The following WWOX variants were observed in gnomAD, a reference collection of about 807,000 sequenced individuals.
WWOX encodes WW domain-containing oxidoreductase.
WWOX carries 69 observed loss-of-function variants against 46.2 expected under a neutral mutation model. The observed-to-expected ratio is 1.49, with a 90% CI of 1.23 to 1.82. The LOEUF is 1.82. Among genes scored for constraint, WWOX ranks in the 40% most tolerant of loss-of-function variants. The pLI, the probability that WWOX is intolerant of heterozygous loss-of-function variation, is 0.00. For synonymous variants in WWOX, 359 were observed against 202.6 expected (o/e 1.77, Z -6.56); for missense variants, 919 against 542.6 (o/e 1.69, Z -6.89).
intron 8 of WWOX, among the ~76,000 whole-genome samples, chr16:78,818,954 T>A (rs1013800885): frequency 6.6e-6 from 1 of 152,212 alleles, no homozygotes; most frequent in Non-Finnish European, 1.5e-5. Flanking sequence ...CTGAGTTGAA[T>A]GTTCCAGGGT....
intron 8 of WWOX, among the ~76,000 whole-genome samples, chr16:78,518,184 A>T (rs999997451): frequency 6.6e-6 from 1 of 152,058 alleles, no homozygotes; most frequent in African/African-American, 2.4e-5. Flanking sequence ...GGGGCTTAAT[A>T]TGTGGTAGTT....
intron 8 of WWOX, among the ~76,000 whole-genome samples, chr16:78,755,690 C>T (rs2049627504): frequency 1.3e-5 from 2 of 152,106 alleles, no homozygotes; most frequent in Admixed American, 6.5e-5. Flanking sequence ...GCACCAGGGC[C>T]ATGTGACAAA....
At chr16:79,058,645 A>G (rs367658849) in intron 8 of WWOX, among the ~76,000 whole-genome samples, 1 of 152,218 alleles carries the variant, frequency 6.6e-6, no homozygotes, top group East Asian at 1.9e-4. Flanking sequence ...ATTTCCTTGG[A>G]TATGTGATTT....
chr16:79,117,170 C>G (rs1188763386), intron 8 of WWOX, among the ~76,000 whole-genome samples: 2 of 152,114 alleles, frequency 1.3e-5, no homozygotes, highest in East Asian at 1.9e-4. Flanking sequence ...TGCCACTAGG[C>G]TGGGCTATTT....
At chr16:78,481,862 C>A (rs554429393) in intron 8 of WWOX, among the ~76,000 whole-genome samples, 1 of 150,816 alleles carries the variant, frequency 6.6e-6, no homozygotes, top group African/African-American at 2.4e-5. Context: ...TATTAATCTT[C>A]TTGGGGCTGG....
intron 8 of WWOX, among the ~76,000 whole-genome samples, chr16:78,870,738 A>G (rs1026585595): frequency 6.6e-6 from 1 of 152,092 alleles, no homozygotes; most frequent in African/African-American, 2.4e-5. Flanking sequence ...AGTAGCTGGG[A>G]TTACAGGTGC....
At chr16:78,282,878 C>CAAAA (rs60994323) in intron 5 of WWOX, among the ~76,000 whole-genome samples, 7 of 68,786 alleles carry the variant, frequency 1.0e-4, no homozygotes, top group Non-Finnish European at 1.1e-4. Flanking sequence ...CACTCCATCT[C>CAAAA]AAAAAAAAAA....
At chr16:78,282,635 G>T (rs1394420718) in intron 5 of WWOX, among the ~76,000 whole-genome samples, 1 of 152,096 alleles carries the variant, frequency 6.6e-6, no homozygotes, top group Non-Finnish European at 1.5e-5. Flanking sequence ...TCAGCACTTT[G>T]GGAGGCCTAG....
intron 8 of WWOX, among the ~76,000 whole-genome samples, chr16:79,146,094 C>G (rs1023056389): frequency 6.6e-6 from 1 of 152,104 alleles, no homozygotes; most frequent in African/African-American, 2.4e-5. Context: ...AAGTAACATG[C>G]TGTGTTTTAT....
At chr16:78,970,601 G>C (rs1317722567) in intron 8 of WWOX, among the ~76,000 whole-genome samples, 1 of 152,208 alleles carries the variant, frequency 6.6e-6, no homozygotes, top group East Asian at 1.9e-4. Context: ...AGAAGGAACA[G>C]TATGAGGAAA....
intron 5 of WWOX, among the ~76,000 whole-genome samples, chr16:78,332,174 A>G (rs1483731826): frequency 6.6e-6 from 1 of 151,980 alleles, no homozygotes. Flanking sequence ...GTCTTTCCCC[A>G]CCCCAAGCCT....
chr16:78,748,700 C>T (rs1016573319), intron 8 of WWOX, among the ~76,000 whole-genome samples: 2 of 152,184 alleles, frequency 1.3e-5, no homozygotes, highest in Non-Finnish European at 2.9e-5. Flanking sequence ...TGTCAGGGCC[C>T]GTGGCAAAGG....
At chr16:78,593,832 A>G (rs924049853) in intron 8 of WWOX, among the ~76,000 whole-genome samples, 10 of 152,142 alleles carry the variant, frequency 6.6e-5, no homozygotes, top group Admixed American at 6.5e-4. Flanking sequence ...AGCTGAGGAC[A>G]TACGAGGAGT....
At chr16:78,533,278 C>G (rs1274086538) in intron 8 of WWOX, among the ~76,000 whole-genome samples, 2 of 152,032 alleles carry the variant, frequency 1.3e-5, no homozygotes, top group Admixed American at 6.6e-5. Context: ...CATGGTGGCT[C>G]ATGCCTGTAA....
chr16:78,923,635 A>T (rs1347890859), intron 8 of WWOX, among the ~76,000 whole-genome samples: 1 of 152,082 alleles, frequency 6.6e-6, no homozygotes, highest in African/African-American at 2.4e-5. Flanking sequence ...CTCTTCTATG[A>T]ATCAAATAAT....
At chr16:79,148,290 T>C (rs1050543178) in intron 8 of WWOX, among the ~76,000 whole-genome samples, 2 of 152,216 alleles carry the variant, frequency 1.3e-5, no homozygotes, top group South Asian at 4.1e-4. Context: ...AAATTTTGCC[T>C]AGGAACATCT....
At chr16:78,820,072 G>A (rs1477595582) in intron 8 of WWOX, among the ~76,000 whole-genome samples, 1 of 152,048 alleles carries the variant, frequency 6.6e-6, no homozygotes, top group East Asian at 1.9e-4. Context: ...TACTGTCATC[G>A]TTATCATTCC....
At chr16:78,424,107 CTTTTTTTT>C (rs199817825) in intron 6 of WWOX, among the ~76,000 whole-genome samples, 3 of 102,124 alleles carry the variant, frequency 2.9e-5, no homozygotes, top group Non-Finnish European at 6.1e-5. Flanking sequence ...CTTTTCTTTT[CTTTTTTTT>C]TTTTGTTTTT....
intron 8 of WWOX, among the ~76,000 whole-genome samples, chr16:79,045,472 A>T (rs1368809004): frequency 6.6e-6 from 1 of 152,048 alleles, no homozygotes; most frequent in East Asian, 1.9e-4. Context: ...TTGCCAGCTG[A>T]CCTCTCCAGA....
Sources: allele counts gnomAD v4.1 joint callset (sites outside exome capture counted in the v4.1 genomes callset), GRCh38; gene constraint gnomAD v4.1.1; transcripts MANE v1.5; gene names NCBI Gene and HGNC (gene_info 2026-07-23, HGNC 2026-07-21).